Variants in SEMA6D observed in about 807,000 individuals in gnomAD.
SEMA6D encodes semaphorin 6D.
A neutral mutation model predicts 106.6 loss-of-function variants in SEMA6D; 35 were observed. That is an observed-to-expected ratio of 0.33 (90% CI 0.25 to 0.44). The LOEUF (loss-of-function observed/expected upper bound fraction) is 0.44. Ranked by LOEUF, SEMA6D falls within the 20% of genes least tolerant of loss-of-function variation. SEMA6D has a pLI of 1.00. For missense variants in SEMA6D, 1,185 were observed against 1,345.9 expected (o/e 0.88, Z 1.87); for synonymous variants, 499 against 487.7 (o/e 1.02, Z -0.31).
intron 2 of SEMA6D, among the ~76,000 whole-genome samples, chr15:47,432,503 CACACAA>C (rs1456532823): frequency 1.3e-5 from 2 of 149,728 alleles, no homozygotes; most frequent in Non-Finnish European, 3.0e-5. Flanking sequence ...TATATACACA[CACACAA>C]ACATACATAT....
intron 3 of SEMA6D, among the ~76,000 whole-genome samples, chr15:47,522,147 G>T (rs558572893): frequency 3.9e-5 from 6 of 152,194 alleles, no homozygotes; most frequent in Non-Finnish European, 8.8e-5. Flanking sequence ...CATGTCCTGC[G>T]GAGCTGACAC....
intron 1 of SEMA6D, among the ~76,000 whole-genome samples, chr15:47,759,220 G>T (rs1442908592): frequency 1.3e-5 from 2 of 152,096 alleles, no homozygotes; most frequent in Non-Finnish European, 2.9e-5. Flanking sequence ...TAAGAATTTG[G>T]GGCTAATACT....
At chr15:47,746,731 G>T (rs1195524767) in intron 1 of SEMA6D, among the ~76,000 whole-genome samples, 6 of 152,156 alleles carry the variant, frequency 3.9e-5, no homozygotes, top group Non-Finnish European at 8.8e-5. Flanking sequence ...CCACAGACAG[G>T]CTGAGTCCTT....
At chr15:47,751,770 T>G (rs1444874197) in intron 1 of SEMA6D, among the ~76,000 whole-genome samples, 1 of 152,204 alleles carries the variant, frequency 6.6e-6, no homozygotes, top group Non-Finnish European at 1.5e-5. Flanking sequence ...GGTTCATTCT[T>G]CTGCTTATTC....
At chr15:47,590,326 G>A (rs374812018) in intron 3 of SEMA6D, among the ~76,000 whole-genome samples, 16 of 146,850 alleles carry the variant, frequency 1.1e-4, no homozygotes, top group African/African-American at 3.8e-4. Flanking sequence ...TGGGAATTGA[G>A]CAATGAGAAC....
chr15:47,368,207 A>G (rs1225576066), intron 1 of SEMA6D, among the ~76,000 whole-genome samples: 1 of 152,214 alleles, frequency 6.6e-6, no homozygotes, highest in Non-Finnish European at 1.5e-5. Flanking sequence ...GCAAGCCCCA[A>G]GCCTCTGCCC....
chr15:47,647,018 C>A (rs576048517), intron 4 of SEMA6D, among the ~76,000 whole-genome samples: 1 of 152,144 alleles, frequency 6.6e-6, no homozygotes, highest in Non-Finnish European at 1.5e-5. Flanking sequence ...CCTAGGTGAT[C>A]GTTTTGAGGT....
At chr15:47,326,345 C>A (rs1460448362) in intron 1 of SEMA6D, among the ~76,000 whole-genome samples, 3 of 152,146 alleles carry the variant, frequency 2.0e-5, no homozygotes, top group Non-Finnish European at 4.4e-5. Context: ...CTACCCTCAA[C>A]CAGAAAGAAA....
rs188361446 is a variant in SEMA6D at position 47,347,019 on chromosome 15, G to A, written c.-238-65374G>A. Among the ~76,000 whole-genome samples the A allele has an allele frequency of 4.1e-4, 62 of 151,672 alleles. No homozygotes were observed. The East Asian group carries it at 9.5e-3, about 23-fold the overall frequency. The stretch of plus-strand genomic sequence containing the variant: ...CCCCTCCCGGGTTCAAGCGATTCTT[G>A]CACCTCAACCTCCCAAGTAGCTGCG... On this transcript the variant is annotated intron_variant, in intron 1 of 19. Transcript: ENST00000558014.
chr15:47,770,965 C>T lies in SEMA6D; in HGVS notation c.2402C>T (p.Ser801Leu). 6.2e-7 allele frequency: 1 copy of T among 1,614,096 alleles called. No individual in the cohort carries two copies. The highest frequency in any genetic ancestry group is 1.1e-5 in the South Asian group (1 of 91,080). Residue 801 changes from serine (S) to leucine (L), a missense_variant, in exon 19 of 19, where the codon TCA (serine) becomes TTA (leucine). Coordinates refer to ENST00000536845, the MANE Select transcript of SEMA6D (RefSeq NM_001358351.3). The part of the protein sequence containing the change: ...HSEKAHGHGA[S>L]RKETPQFFPS... ...GAAAAGGCCCATGGCCATGGAGCTTCAAGGAAAGAAACCCCTCAGTTTTTT... is the reference window on the plus strand; with the variant it reads ...GAAAAGGCCCATGGCCATGGAGCTTTAAGGAAAGAAACCCCTCAGTTTTTT...
chr15:47,755,100 C>T (rs1173602737), intron 1 of SEMA6D, among the ~76,000 whole-genome samples: 2 of 151,836 alleles, frequency 1.3e-5, no homozygotes, highest in African/African-American at 2.4e-5. Context: ...TAGAGGTGTG[C>T]ACCACCATGC....
intron 1 of SEMA6D, among the ~76,000 whole-genome samples, chr15:47,245,448 C>T (rs957883037): frequency 6.6e-6 from 1 of 152,130 alleles, no homozygotes; most frequent in Non-Finnish European, 1.5e-5. Context: ...TTCTTGTGTT[C>T]TCTGATCTGT....
At chr15:47,543,474 A>T (rs1280435525) in intron 3 of SEMA6D, among the ~76,000 whole-genome samples, 1 of 152,128 alleles carries the variant, frequency 6.6e-6, no homozygotes, top group Non-Finnish European at 1.5e-5. Context: ...GCCTTCAGCC[A>T]TGATTGTGAG....
intron 4 of SEMA6D, among the ~76,000 whole-genome samples, chr15:47,649,180 G>T (rs957137098): frequency 1.3e-5 from 2 of 152,130 alleles, no homozygotes; most frequent in South Asian, 2.1e-4. Flanking sequence ...GAGAGTTTAG[G>T]TATAAAGCAT....
chr15:47,765,716 G>A, intron 13 of SEMA6D, 153 bp from the exon 14 acceptor site: 1 of 696,724 alleles, frequency 1.4e-6, no homozygotes, highest in Non-Finnish European at 2.1e-6. Context: ...AGAAGTAGAA[G>A]ATGAATCACA....
chr15:47,507,145 C>G (rs915644235), intron 3 of SEMA6D, among the ~76,000 whole-genome samples: 31 of 152,144 alleles, frequency 2.0e-4, no homozygotes. Context: ...ACCCTGTCTT[C>G]CTCCTTTCCA....
chr15:47,520,082 G>C (rs181960261), intron 3 of SEMA6D, among the ~76,000 whole-genome samples: 103 of 152,216 alleles, frequency 6.8e-4, no homozygotes, highest in African/African-American at 2.2e-3. Flanking sequence ...AAAAATGATC[G>C]ACAGAATCCT....
intron 3 of SEMA6D, among the ~76,000 whole-genome samples, chr15:47,593,540 G>GAA (rs201128256): frequency 7.2e-6 from 1 of 139,400 alleles, no homozygotes; most frequent in Non-Finnish European, 1.6e-5. Flanking sequence ...TAAATAATCA[G>GAA]AAAAAAAAAA....
At chr15:47,726,717 C>T (rs2079779679) in intron 1 of SEMA6D, among the ~76,000 whole-genome samples, 1 of 152,212 alleles carries the variant, frequency 6.6e-6, no homozygotes, top group Admixed American at 6.5e-5. Context: ...AATATTTGAA[C>T]AGCACTTATA....
Sources: gnomAD v4.1 joint callset for allele counts (sites outside exome capture counted in the v4.1 genomes callset) on GRCh38, gnomAD v4.1.1 for gene constraint, MANE v1.5 for transcripts, NCBI Gene and HGNC (gene_info 2026-07-23, HGNC 2026-07-21) for gene names.